The following PHF1 variants were observed in gnomAD, a reference collection of about 807,000 sequenced individuals.
PHF1 encodes PHD finger protein 1.
PHF1 carries 16 observed loss-of-function variants against 69.4 expected under a neutral mutation model. The ratio of observed to expected loss-of-function variants is 0.23; its 90% confidence interval spans 0.16 to 0.35. The LOEUF (loss-of-function observed/expected upper bound fraction) is 0.35, where lower values mean the gene tolerates loss of function less well. Among genes scored for constraint, PHF1 ranks in the 10% least tolerant of loss-of-function variants. PHF1 has a pLI of 1.00. For synonymous variants in PHF1, 274 were observed against 275.0 expected (o/e 1.00, Z 0.04); for missense variants, 515 against 732.8 (o/e 0.70, Z 3.43).
Position 33,413,848 on chromosome 6 carries a change from C to G in PHF1, c.683+17C>G, listed in dbSNP as rs566272716. 1.8e-4 allele frequency: 289 copies of G among 1,606,194 alleles called. 2 individuals are homozygous for G. The South Asian group carries it at 3.1e-3, about 17-fold the overall frequency. ...TGGGGACAGGTGAGACCAAGGCAGA[C>G]TCTCTAGGAGCCAAGGATGCCCTCT... On this transcript the variant is annotated intron_variant, in intron 7 of 14. Coordinates refer to ENST00000374516, the MANE Select transcript of PHF1 (RefSeq NM_024165.3).
At chr6:33,413,963 G>A (rs1451163214) in intron 7 of PHF1, 78 bp from the exon 8 acceptor site, 7 of 1,586,166 alleles carry the variant, frequency 4.4e-6, no homozygotes, top group South Asian at 1.1e-5. Flanking sequence ...TGTTTGCCCC[G>A]TCCTTGCTTG....
chr6:33,413,048 C>T (rs1776199023), intron 4 of PHF1, 148 bp from the exon 5 acceptor site: 2 of 794,246 alleles, frequency 2.5e-6, no homozygotes, highest in Non-Finnish European at 4.3e-6. Context: ...CCTCTAGGAG[C>T]CTCAGTTCCC....
rs1776378413 is a variant in PHF1, at chr6:33,415,294, C to T, written c.1299C>T (p.Tyr433=). The change falls in exon 13 of 15, where the codon TAC becomes TAT. Residue 433 remains tyrosine (Y), a synonymous_variant. Coordinates refer to ENST00000374516, the MANE Select transcript of PHF1 (RefSeq NM_024165.3). The part of the protein sequence containing the change: ...PNQSYQGSSG[Y]NFRPTDARCL... ...AGAGTTACCAGGGCAGCAGCGGCTA[C>T]AACTTCCGGCCCACAGATGCCCGCT... is the stretch of plus-strand genomic sequence containing the variant. 4 of 1,613,720 alleles carry T rather than the reference C, an allele frequency of 2.5e-6. No individual in the cohort carries two copies. The highest frequency in any genetic ancestry group is 3.4e-6 in the Non-Finnish European group (4 of 1,179,882).
chr6:33,412,600 A>C lies in PHF1; in HGVS notation c.241+11A>C. ...AAGACATTAGCCCTGGTAAGACTCTAGAGACCTGAGATTGCACATCCCATG... is the reference window on the plus strand; with the variant it reads ...AAGACATTAGCCCTGGTAAGACTCTCGAGACCTGAGATTGCACATCCCATG... On this transcript the variant is annotated intron_variant, in intron 3 of 14. Transcript: ENST00000374516. This position sits in a 1 kb window ranked among gnomAD's most constrained non-coding sequence, Gnocchi z 4.2. The C allele has an allele frequency of 6.2e-7, 1 of 1,613,968 alleles. No individual in the cohort carries two copies. Among genetic ancestry groups the C allele is most frequent in the Non-Finnish European group, 8.5e-7 (1 of 1,179,822 alleles).
At position 33,413,397 on chromosome 6, in the gene PHF1, C is replaced by G; in HGVS notation, c.439-12C>G. The G allele has an allele frequency of 6.2e-7, 1 of 1,614,090 alleles. No individual in the cohort carries two copies. The highest frequency in any genetic ancestry group is 8.5e-7 in the Non-Finnish European group (1 of 1,179,954). On this transcript the variant is annotated splice_polypyrimidine_tract_variant and intron_variant, in intron 5 of 14. Coordinates refer to ENST00000374516, the MANE Select transcript of PHF1 (RefSeq NM_024165.3). ...ACCCCTCTGAAGCCACCCACCTGTC[C>G]TGTCTCTGCAGAGGGGAGGTGCCCT...
Position 33,412,747 on chromosome 6 carries a change from T to A in PHF1, c.291T>A (p.Thr97=). 6.2e-7 allele frequency: 1 copy of A among 1,614,136 alleles called. No homozygotes were observed. The highest frequency in any genetic ancestry group is 1.1e-5 in the South Asian group (1 of 91,086). ...ELLCCVCRSE[T]VVPGNRLVSC... is the part of the protein sequence containing the mutation. ...TCTGTTGTGTCTGTCGCTCTGAGAC[T>A]GTGGTCCCTGGGAACCGGCTGGTCA... is the stretch of plus-strand genomic sequence containing the variant. Residue 97 remains threonine, a synonymous_variant, in exon 4 of 15, where the codon ACT becomes ACA. Coordinates refer to ENST00000374516, the MANE Select transcript of PHF1 (RefSeq NM_024165.3). The surrounding 1 kb of genome is among the most constrained non-coding windows in gnomAD (Gnocchi z 4.2).
upstream of PHF1, chr6:33,410,922 C>T (rs1036115858): frequency 6.6e-6 from 1 of 150,432 alleles, no homozygotes; most frequent in Non-Finnish European, 1.5e-5. Context: ...GCCCGCCCCC[C>T]CCTCCGGCTC....
At position 33,414,506 on chromosome 6, in the gene PHF1, T is replaced by C; in HGVS notation, c.906T>C (p.Ser302=). ...ELSDTPKGER[S]SRLLSALNSH... The stretch of plus-strand genomic sequence containing the variant: ...CAGACACCCCCAAAGGAGAACGTTC[T>C]TCCAGGCTCCTCTCTGCTCTTAACA... The change falls in exon 10 of 15, where the codon TCT becomes TCC. Residue 302 remains serine (S), a synonymous_variant. Transcript: ENST00000374516. This position sits in a 1 kb window ranked among gnomAD's most constrained non-coding sequence, Gnocchi z 5.0. The C allele has an allele frequency of 6.2e-7, 1 of 1,613,948 alleles. No homozygotes were observed. The highest frequency in any genetic ancestry group is 8.5e-7 in the Non-Finnish European group (1 of 1,179,914).
chr6:33,413,165 T>A (rs778588498), intron 4 of PHF1, 31 bp from the exon 5 acceptor site: 16 of 1,554,946 alleles, frequency 1.0e-5, no homozygotes, highest in Non-Finnish European at 1.1e-5. Context: ...CACACAGGTA[T>A]GCAATAAGTG....
At position 33,414,544 on chromosome 6, in the gene PHF1, G is replaced by A. The variant is rs1291642306; in HGVS notation, c.944G>A (p.Arg315His). Residue 315 changes from arginine to histidine, a missense_variant and splice_region_variant, in exon 10 of 15, where the codon CGT becomes CAT. Arg to His is a conservative substitution (Grantham distance 29, BLOSUM62 0). Around this residue, in one of 5 missense-constraint regions of PHF1, gnomAD observed 142 missense variants for 309.7 expected, o/e 0.46. Transcript: ENST00000374516. This position sits in a 1 kb window ranked among gnomAD's most constrained non-coding sequence, Gnocchi z 5.0. ...TCTGCTCTTAACAGCCACAAGGACC[G>A]GTGAGTTGGAGGGAAGAGGAGGCAA... ...LLSALNSHKDRFISGREIKKR... is the reference protein window; with the variant it reads ...LLSALNSHKDHFISGREIKKR... The A allele has an allele frequency of 1.9e-6, 3 of 1,613,666 alleles. No homozygotes were observed. The highest frequency in any genetic ancestry group is 8.5e-7 in the Non-Finnish European group (1 of 1,179,608).
Position 33,414,886 on chromosome 6 carries a change from A to C in PHF1, c.1049+57A>C. Reference sequence around the variant, plus strand: ...TCAGGGTGTTAGTCCTGGGGGGTATATGTATAGAGATGGGGAGGTCTTGGG... The same window carrying C: ...TCAGGGTGTTAGTCCTGGGGGGTATCTGTATAGAGATGGGGAGGTCTTGGG... On this transcript the variant is annotated intron_variant, in intron 11 of 14. Coordinates refer to ENST00000374516, the MANE Select transcript of PHF1 (RefSeq NM_024165.3). This position sits in a 1 kb window ranked among gnomAD's most constrained non-coding sequence, Gnocchi z 5.0. 2 of 1,342,772 alleles carry C rather than the reference A, an allele frequency of 1.5e-6. No individual in the cohort carries two copies. The highest frequency in any genetic ancestry group is 2.0e-6 in the Non-Finnish European group (2 of 984,396). The allele number at this position is 1,342,772 out of a possible 1,614,324, so 83.2% of individuals were successfully genotyped here.
rs1776100278 is a variant in PHF1, at chr6:33,412,013, T to C, written c.-16-235T>C. On this transcript the variant is annotated intron_variant, in intron 1 of 14. Coordinates refer to ENST00000374516, the MANE Select transcript of PHF1 (RefSeq NM_024165.3). This position sits in a 1 kb window ranked among gnomAD's most constrained non-coding sequence, Gnocchi z 4.2. ...CTCATCTCTACTAAAAATACAAAAA[T>C]TAGCCAGGCATGGTGGCATGCGCCT... Among the ~76,000 whole-genome samples the C allele has an allele frequency of 6.6e-6, 1 of 151,990 alleles. No homozygotes were observed. The highest frequency in any genetic ancestry group is 2.1e-4 in the South Asian group (1 of 4,830).
Position 33,412,893 on chromosome 6 carries a change from C to A in PHF1, c.337+100C>A. The A allele has an allele frequency of 3.0e-6, 3 of 1,015,256 alleles. No homozygotes were observed. Among genetic ancestry groups the A allele is most frequent in the Non-Finnish European group, 4.6e-6 (3 of 649,000 alleles). The allele number at this position is 1,015,256 out of a possible 1,614,324, so 62.9% of individuals were successfully genotyped here. A position where few individuals can be genotyped will look rare whatever the true frequency, so the allele number is the denominator to read the frequency against. On this transcript the variant is annotated intron_variant, in intron 4 of 14. Transcript: ENST00000374516. The surrounding 1 kb of genome is among the most constrained non-coding windows in gnomAD (Gnocchi z 4.2). ...CTTAGTCCCCAAGCCACTGCTCTGGCCAGGCTGCTTAGCCTTATCTTAGTC... is the reference window on the plus strand; with the variant it reads ...CTTAGTCCCCAAGCCACTGCTCTGGACAGGCTGCTTAGCCTTATCTTAGTC...
At position 33,413,256 on chromosome 6, in the gene PHF1, C is replaced by G. The variant is rs766934907; in HGVS notation, c.398C>G (p.Ser133Cys). 32 of 1,614,008 alleles carry G rather than the reference C, an allele frequency of 2.0e-5. No homozygotes were observed. Among genetic ancestry groups the G allele is most frequent in the Non-Finnish European group, 2.6e-5 (31 of 1,179,994 alleles). Residue 133 changes from serine (S) to cysteine (C), a missense_variant, in exon 5 of 15, where the codon TCC (serine) becomes TGC (cysteine). Coordinates refer to ENST00000374516, the MANE Select transcript of PHF1 (RefSeq NM_024165.3). Reference sequence around the variant, plus strand: ...GCCCCTGGAGAGGGAGAGGGCACATCCTGGGTATGCCGCCAGTGTGTCTTT... The same window carrying G: ...GCCCCTGGAGAGGGAGAGGGCACATGCTGGGTATGCCGCCAGTGTGTCTTT... ...APAPGEGEGTSWVCRQCVFAI... is the reference protein window; with the variant it reads ...APAPGEGEGTCWVCRQCVFAI...
At position 33,415,347 on chromosome 6, in the gene PHF1, C is replaced by T; in HGVS notation, c.1334+18C>T. 6.3e-7 allele frequency: 1 copy of T among 1,578,430 alleles called. No individual in the cohort carries two copies. The highest frequency in any genetic ancestry group is 8.7e-7 in the Non-Finnish European group (1 of 1,150,384). On this transcript the variant is annotated intron_variant, in intron 13 of 14. Transcript: ENST00000374516. ...CTGCCCAGGTCAGTGCTCCTCTGCCCCTCCCCCACAAAATATGCTCCCAAT... is the reference window on the plus strand; with the variant it reads ...CTGCCCAGGTCAGTGCTCCTCTGCCTCTCCCCCACAAAATATGCTCCCAAT...
chr6:33,413,722 G>A lies in PHF1; in HGVS notation c.588-14G>A, dbSNP rs1193287506. 5 of 1,611,518 alleles carry A rather than the reference G, an allele frequency of 3.1e-6. No individual in the cohort carries two copies. Among genetic ancestry groups the A allele is most frequent in the Middle Eastern group, 1.7e-4 (1 of 5,940 alleles). Reference sequence around the variant, plus strand: ...GGGGTTTCTGGAGGCCAGAAGTCCTGTGTTCCCCCTCAGGTGGAACCTGAA... The same window carrying A: ...GGGGTTTCTGGAGGCCAGAAGTCCTATGTTCCCCCTCAGGTGGAACCTGAA... On this transcript the variant is annotated splice_polypyrimidine_tract_variant and intron_variant, in intron 6 of 14. Coordinates refer to ENST00000374516, the MANE Select transcript of PHF1 (RefSeq NM_024165.3).
chr6:33,413,106 AG>A, intron 4 of PHF1, 89 bp from the exon 5 acceptor site: 1 of 1,132,216 alleles, frequency 8.8e-7, no homozygotes, highest in South Asian at 1.2e-5. Flanking sequence ...GACCATGGTC[AG>A]GGATTAAATG....
In PHF1 at chr6:33,414,452, C is replaced by T; in HGVS notation, c.877-25C>T. 1 of 1,613,430 alleles carries T rather than the reference C, an allele frequency of 6.2e-7. No individual in the cohort carries two copies. Among genetic ancestry groups the T allele is most frequent in the Non-Finnish European group, 8.5e-7 (1 of 1,179,446 alleles). ...AGAGAAGAAATCACTGCTCCCCTGGCCCCATTTTTCTTCATTTCTCCCAGC... is the reference window on the plus strand; with the variant it reads ...AGAGAAGAAATCACTGCTCCCCTGGTCCCATTTTTCTTCATTTCTCCCAGC... On this transcript the variant is annotated intron_variant, in intron 9 of 14. Coordinates refer to ENST00000374516, the MANE Select transcript of PHF1 (RefSeq NM_024165.3). This position sits in a 1 kb window ranked among gnomAD's most constrained non-coding sequence, Gnocchi z 5.0.
At chr6:33,410,918 C>G (rs1467337278), upstream of PHF1, 1 of 150,270 alleles carries the variant, frequency 6.7e-6, no homozygotes, top group African/African-American at 2.4e-5. Context: ...TGGTGCCCGC[C>G]CCCCCCTCCG....
Sources: gnomAD v4.1 joint callset for allele counts (sites outside exome capture counted in the v4.1 genomes callset) on GRCh38, gnomAD v4.1.1 for gene constraint, gnomAD v4.1.1 regional missense constraint, Gnocchi (gnomAD v3.1) non-coding constraint, MANE v1.5 for transcripts, NCBI Gene and HGNC (gene_info 2026-07-23, HGNC 2026-07-21) for gene names.